The following CACNB2 variants were observed in gnomAD, a reference collection of about 807,000 sequenced individuals.
CACNB2 encodes the protein voltage-dependent L-type calcium channel subunit beta-2.
CACNB2 carries 42 observed loss-of-function variants against 73.3 expected under a neutral mutation model. The ratio of observed to expected loss-of-function variants is 0.57; its 90% CI spans 0.45 to 0.74. The LOEUF is 0.74. Among genes scored for constraint, CACNB2 ranks in the 30% least tolerant of loss-of-function variants. CACNB2 has a pLI of 0.00. For missense variants in CACNB2, 940 were observed against 853.0 expected (o/e 1.10, Z -1.27); for synonymous variants, 348 against 310.3 (o/e 1.12, Z -1.28).
intron 2 of CACNB2, among the ~76,000 whole-genome samples, chr10:18,287,706 C>T (rs1338843851): frequency 6.6e-6 from 1 of 152,102 alleles, no homozygotes; most frequent in African/African-American, 2.4e-5. Context: ...CAAAAATCGG[C>T]TGGGCACGAT....
At chr10:18,286,484 C>G (rs2038802538) in intron 2 of CACNB2, among the ~76,000 whole-genome samples, 1 of 128,872 alleles carries the variant, frequency 7.8e-6, no homozygotes, top group African/African-American at 2.9e-5. Context: ...CGCCACTGCA[C>G]TCCGACCTGG....
At chr10:18,466,572 A>G (rs1252142323) in intron 3 of CACNB2, among the ~76,000 whole-genome samples, 1 of 151,994 alleles carries the variant, frequency 6.6e-6, no homozygotes, top group Non-Finnish European at 1.5e-5. Context: ...AGTCCTACAT[A>G]GAAGGTTCTC....
At chr10:18,339,416 G>C (rs1039269121) in intron 2 of CACNB2, among the ~76,000 whole-genome samples, 1 of 152,136 alleles carries the variant, frequency 6.6e-6, no homozygotes, top group Non-Finnish European at 1.5e-5. Flanking sequence ...AGCTACTCAG[G>C]AGGCTGAGGC....
At position 18,311,571 on chromosome 10, in the gene CACNB2, C is replaced by T. The variant is rs557176163; in HGVS notation, c.214-90353C>T. On this transcript the variant is annotated intron_variant, in intron 2 of 13. Coordinates refer to ENST00000324631, the MANE Select transcript of CACNB2 (RefSeq NM_201596.3). Reference sequence around the variant, plus strand: ...GTATGTACTATGTACTGTATTCTTACAAAAAAGTAAACTAGAGAAAAGATG... The same window carrying T: ...GTATGTACTATGTACTGTATTCTTATAAAAAAGTAAACTAGAGAAAAGATG... Among the ~76,000 whole-genome samples the T allele has an allele frequency of 4.6e-5, 7 of 151,978 alleles. No homozygotes were observed. In the East Asian group the frequency reaches 1.4e-3, roughly 29 times the overall value.
intron 2 of CACNB2, among the ~76,000 whole-genome samples, chr10:18,301,006 C>T (rs753462879): frequency 2.6e-5 from 4 of 152,050 alleles, no homozygotes; most frequent in Non-Finnish European, 5.9e-5. Flanking sequence ...GAGGAAAGAA[C>T]GCTATTTTAA....
At chr10:18,425,053 C>A (rs1352863903) in intron 3 of CACNB2, among the ~76,000 whole-genome samples, 1 of 152,200 alleles carries the variant, frequency 6.6e-6, no homozygotes, top group African/African-American at 2.4e-5. Context: ...CATTTACACT[C>A]ATACTATCAC....
At chr10:18,249,712 T>C (rs537843984) in intron 2 of CACNB2, among the ~76,000 whole-genome samples, 2 of 152,270 alleles carry the variant, frequency 1.3e-5, no homozygotes, top group African/African-American at 4.8e-5. Flanking sequence ...CTCAAGGGAA[T>C]TTCACAAAAG....
At chr10:18,345,400 T>C (rs773810122) in intron 2 of CACNB2, among the ~76,000 whole-genome samples, 22 of 152,250 alleles carry the variant, frequency 1.4e-4, no homozygotes, top group Non-Finnish European at 2.1e-4. Context: ...GGATTACTAC[T>C]GAAGGTGAAT....
chr10:18,254,737 C>T (rs900628460), intron 2 of CACNB2, among the ~76,000 whole-genome samples: 2 of 152,036 alleles, frequency 1.3e-5, no homozygotes, highest in Non-Finnish European at 2.9e-5. Flanking sequence ...TGTTCAGGAC[C>T]CTAAGGAGAG....
intron 3 of CACNB2, among the ~76,000 whole-genome samples, chr10:18,447,072 T>C (rs577608153): frequency 6.6e-6 from 1 of 150,624 alleles, no homozygotes; most frequent in South Asian, 2.1e-4. Flanking sequence ...AAAAAAAAAA[T>C]AAATAAATAA....
At chr10:18,512,300 T>C (rs2050844713) in intron 6 of CACNB2, among the ~76,000 whole-genome samples, 1 of 152,196 alleles carries the variant, frequency 6.6e-6, no homozygotes, top group African/African-American at 2.4e-5. Context: ...AATGTCATTT[T>C]ATTAGACAGA....
At position 18,423,124 on chromosome 10, in the gene CACNB2, C is replaced by T. The variant is rs151041628; in HGVS notation, c.333+21081C>T. On this transcript the variant is annotated intron_variant, in intron 3 of 13. Coordinates refer to ENST00000324631, the MANE Select transcript of CACNB2 (RefSeq NM_201596.3). ...ACGTTTGGAGGTCATCATATTTTGCCATCTTTATCCTTTATCTTACCTGTT... is the reference window on the plus strand; with the variant it reads ...ACGTTTGGAGGTCATCATATTTTGCTATCTTTATCCTTTATCTTACCTGTT... Among the ~76,000 whole-genome samples the T allele has an allele frequency of 6.0e-5, 8 of 133,748 alleles. No homozygotes were observed. The East Asian group carries it at 1.9e-3, about 31-fold the overall frequency. The allele number at this position is 133,748 out of a possible 152,430, so 87.7% of individuals were successfully genotyped here.
intron 10 of CACNB2, 121 bp downstream of exon 10, chr10:18,527,818 G>T (rs2052629589): frequency 4.2e-6 from 3 of 721,040 alleles, no homozygotes. Flanking sequence ...GGTGTGTGCT[G>T]CCAGTCGCTG....
At chr10:18,402,755 A>G (rs928004374) in intron 3 of CACNB2, among the ~76,000 whole-genome samples, 8 of 152,218 alleles carry the variant, frequency 5.3e-5, no homozygotes, top group Admixed American at 3.9e-4. Context: ...TCTAAAGCAT[A>G]GATTGTTCGA....
intron 2 of CACNB2, among the ~76,000 whole-genome samples, chr10:18,188,997 T>C (rs1371823436): frequency 1.3e-5 from 2 of 152,002 alleles, no homozygotes; most frequent in East Asian, 3.9e-4. Context: ...TCTCACTCTG[T>C]CACCCAAGTT....
intron 2 of CACNB2, among the ~76,000 whole-genome samples, chr10:18,221,064 T>C (rs1376120706): frequency 6.6e-6 from 1 of 152,174 alleles, no homozygotes; most frequent in African/African-American, 2.4e-5. Flanking sequence ...CTGGCTCTTT[T>C]CTGTAGTTAG....
intron 2 of CACNB2, among the ~76,000 whole-genome samples, chr10:18,373,615 A>G (rs1441699658): frequency 6.6e-6 from 1 of 152,172 alleles, no homozygotes; most frequent in Non-Finnish European, 1.5e-5. Context: ...AAGCCTCTTC[A>G]TTGCTTTACT....
At chr10:18,351,536 T>C (rs181290717) in intron 2 of CACNB2, among the ~76,000 whole-genome samples, 175 of 152,324 alleles carry the variant, frequency 1.1e-3, no homozygotes, top group African/African-American at 4.1e-3. Context: ...TCTTAAGGAT[T>C]TTGTTGAAAA....
In CACNB2 at chr10:18,192,316, T is replaced by C. The variant is rs370241796; in HGVS notation, c.213+41341T>C. On this transcript the variant is annotated intron_variant, in intron 2 of 13. Coordinates refer to ENST00000324631, the MANE Select transcript of CACNB2 (RefSeq NM_201596.3). ...TATTATAATTCATTGAAGTGAAATT[T>C]ATGTAACATACAATTAATCATTTTA... 1.5e-3 allele frequency among the ~76,000 whole-genome samples: 231 copies of C among 152,228 alleles called. 1 individual carries two copies. Among genetic ancestry groups the C allele is most frequent in the Non-Finnish European group, 2.5e-3 (170 of 68,030 alleles).
Sources: gnomAD v4.1 joint callset for allele counts (sites outside exome capture counted in the v4.1 genomes callset) on GRCh38, gnomAD v4.1.1 for gene constraint, MANE v1.5 for transcripts, NCBI Gene and HGNC (gene_info 2026-07-23, HGNC 2026-07-21) for gene names.